EFL1: variants seen among roughly 807,000 people sequenced by gnomAD.
The protein encoded by EFL1 is elongation factor-like GTPase 1.
Under a neutral mutation model 126.7 loss-of-function variants are expected in EFL1, and 76 were observed. The observed-to-expected ratio is 0.60, with a 90% CI of 0.50 to 0.73. The LOEUF (loss-of-function observed/expected upper bound fraction) is 0.73, where lower values mean the gene tolerates loss of function less well. Ranked by LOEUF, EFL1 falls within the 30% of genes least tolerant of loss-of-function variation. The pLI is 0.00. For synonymous variants in EFL1, 410 were observed against 448.4 expected (o/e 0.91, Z 1.08); for missense variants, 1,128 against 1,343.2 (o/e 0.84, Z 2.50).
intron 15 of EFL1, among the ~76,000 whole-genome samples, chr15:82,170,130 T>G (rs1408217037): frequency 7.2e-6 from 1 of 139,504 alleles, no homozygotes; most frequent in Non-Finnish European, 1.5e-5. Flanking sequence ...TTTTTTTTTT[T>G]TTGAGACGGA....
intron 19 of EFL1, among the ~76,000 whole-genome samples, chr15:82,138,407 T>TGAGAGAGA (rs71156027): frequency 2.3e-4 from 34 of 147,824 alleles, no homozygotes; most frequent in Middle Eastern, 3.6e-3. Flanking sequence ...AAAGGACAAA[T>TGAGAGAGA]GAGAGAGAGA....
At chr15:82,241,784 C>A (rs1225942595) in intron 4 of EFL1, among the ~76,000 whole-genome samples, 1 of 152,162 alleles carries the variant, frequency 6.6e-6, no homozygotes, top group Admixed American at 6.5e-5. Context: ...AAATCAATGC[C>A]TAAGGGCCTG....
At chr15:82,157,087 T>C (rs901053470) in intron 17 of EFL1, among the ~76,000 whole-genome samples, 1 of 152,224 alleles carries the variant, frequency 6.6e-6, no homozygotes, top group Non-Finnish European at 1.5e-5. Flanking sequence ...ATCAGAACTG[T>C]GTATATAGAT....
intron 4 of EFL1, among the ~76,000 whole-genome samples, chr15:82,246,784 T>C (rs951805370): frequency 1.3e-4 from 19 of 151,934 alleles, no homozygotes; most frequent in African/African-American, 3.9e-4. Context: ...TTCTGTGAAA[T>C]AGAAGGTAAG....
chr15:82,243,863 T>C (rs1033400482), intron 4 of EFL1, among the ~76,000 whole-genome samples: 2 of 152,076 alleles, frequency 1.3e-5, no homozygotes, highest in African/African-American at 2.4e-5. Flanking sequence ...CACCAAGTGT[T>C]TCCACCCGAC....
intron 14 of EFL1, among the ~76,000 whole-genome samples, chr15:82,219,262 T>C (rs2074682817): frequency 6.6e-6 from 1 of 152,176 alleles, no homozygotes; most frequent in Non-Finnish European, 1.5e-5. Context: ...GCCTATCCCC[T>C]GCTCACTGCC....
intron 3 of EFL1, among the ~76,000 whole-genome samples, chr15:82,258,126 C>T (rs1486514868): frequency 6.6e-6 from 1 of 152,156 alleles, no homozygotes; most frequent in East Asian, 1.9e-4. Flanking sequence ...TTCTCTGTCA[C>T]CTGATAAACC....
chr15:82,179,948 C>G (rs66701409), intron 15 of EFL1, among the ~76,000 whole-genome samples: 1 of 151,984 alleles, frequency 6.6e-6, no homozygotes, highest in South Asian at 2.1e-4. Flanking sequence ...GGTCCCTGGT[C>G]TACAAATATC....
At chr15:82,208,687 A>C (rs570854825) in intron 15 of EFL1, among the ~76,000 whole-genome samples, 3 of 152,296 alleles carry the variant, frequency 2.0e-5, no homozygotes, top group East Asian at 3.9e-4. Context: ...CAGGAAATTA[A>C]ATATAATTCA....
chr15:82,244,199 C>G (rs1459953277), intron 4 of EFL1, among the ~76,000 whole-genome samples: 1 of 152,056 alleles, frequency 6.6e-6, no homozygotes, highest in East Asian at 1.9e-4. Flanking sequence ...AGTCCCATAT[C>G]CATTAGAGAA....
intron 5 of EFL1, 51 bp from the exon 6 acceptor site, chr15:82,240,606 A>G: frequency 6.2e-7 from 1 of 1,600,384 alleles, no homozygotes; most frequent in Non-Finnish European, 8.5e-7. Context: ...AAATAATTAG[A>G]GCACATTAGA....
intron 18 of EFL1, among the ~76,000 whole-genome samples, chr15:82,149,842 G>A (rs2073888991): frequency 6.6e-6 from 1 of 152,194 alleles, no homozygotes; most frequent in Admixed American, 6.5e-5. Context: ...TCACGAAGCT[G>A]GCTGTGCACT....
chr15:82,175,117 G>A (rs1488522615), intron 15 of EFL1, among the ~76,000 whole-genome samples: 2 of 152,134 alleles, frequency 1.3e-5, no homozygotes, highest in Non-Finnish European at 2.9e-5. Flanking sequence ...TTTTCTTATT[G>A]TAAGTGCTCC....
intron 15 of EFL1, among the ~76,000 whole-genome samples, chr15:82,209,639 AAAG>A (rs1259377989): frequency 2.6e-5 from 4 of 152,212 alleles, no homozygotes; most frequent in African/African-American, 9.6e-5. Flanking sequence ...TCAGTAGGGA[AAAG>A]AACAAAACGC....
chr15:82,138,430 ATGTGTGTGT>A, intron 19 of EFL1, among the ~76,000 whole-genome samples: 2 of 146,104 alleles, frequency 1.4e-5, no homozygotes, highest in South Asian at 4.4e-4. Flanking sequence ...GAGAGAGTGT[ATGTGTGTGT>A]GTGTGTGTGT....
At chr15:82,231,001 A>C in intron 7 of EFL1, 30 bp from the exon 8 acceptor site, 1 of 1,603,968 alleles carries the variant, frequency 6.2e-7, no homozygotes, top group Non-Finnish European at 8.5e-7. Context: ...TCATGTTATT[A>C]ATAACAACGA....
At chr15:82,153,796 C>A (rs2073938579) in intron 17 of EFL1, among the ~76,000 whole-genome samples, 1 of 152,112 alleles carries the variant, frequency 6.6e-6, no homozygotes. Context: ...ATCAAATAAT[C>A]TATGTAGCCA....
chr15:82,157,120 A>T (rs1286532988), intron 17 of EFL1, among the ~76,000 whole-genome samples: 1 of 152,228 alleles, frequency 6.6e-6, no homozygotes, highest in East Asian at 1.9e-4. Flanking sequence ...TTGAATATGC[A>T]TAGAACAGTG....
intron 15 of EFL1, among the ~76,000 whole-genome samples, chr15:82,205,277 G>A (rs572399148): frequency 6.6e-5 from 10 of 152,202 alleles, no homozygotes; most frequent in South Asian, 2.1e-4. Context: ...CCTCATTACC[G>A]TCCAATTTAG....
Sources: gnomAD v4.1 joint callset for allele counts (sites outside exome capture counted in the v4.1 genomes callset) on GRCh38, gnomAD v4.1.1 for gene constraint, MANE v1.5 for transcripts, NCBI Gene and HGNC (gene_info 2026-07-23, HGNC 2026-07-21) for gene names.